The following SYTL3 variants were observed in gnomAD, a reference collection of about 807,000 sequenced individuals.
SYTL3 encodes synaptotagmin like 3.
In SYTL3, 88 loss-of-function variants were observed where a neutral mutation model predicts 82.1. That is an observed-to-expected ratio of 1.07 (90% CI 0.90 to 1.28). The LOEUF (loss-of-function observed/expected upper bound fraction) is 1.28. SYTL3 is among the 50% of genes most tolerant of loss of function. SYTL3 has a pLI of 0.00. For synonymous variants in SYTL3, 311 were observed against 289.4 expected, an observed-to-expected ratio of 1.07 and a Z score of -0.76; for missense variants, 831 against 757.6, an observed-to-expected ratio of 1.10 and a Z score of -1.14.
At chr6:158,750,407 TA>T (rs1259475923) in intron 12 of SYTL3, among the ~76,000 whole-genome samples, 1 of 152,314 alleles carries the variant, frequency 6.6e-6, no homozygotes, top group East Asian at 1.9e-4. Context: ...CGTATAGGTA[TA>T]TTTTATATAT....
intron 2 of SYTL3, among the ~76,000 whole-genome samples, chr6:158,660,214 G>C (rs1422459676): frequency 6.6e-6 from 1 of 152,058 alleles, no homozygotes; most frequent in Non-Finnish European, 1.5e-5. Context: ...GCAGTGAGCC[G>C]AGATCGCACC....
At position 158,757,115 on chromosome 6, in the gene SYTL3, G is replaced by A. The variant is rs7766206; in HGVS notation, c.1138-96G>A. On this transcript the variant is annotated intron_variant, in intron 13 of 17. Transcript: ENST00000611299. ...GGGAGGGAGGCCTGCGCCAGGCCCC[G>A]GGAAGTGGGGCCCTGGAAGGTGGGG... The A allele has an allele frequency of 4.3e-4, 482 of 1,114,750 alleles. 1 individual carries two copies. The African/African-American group carries it at 5.2e-3, about 12-fold the overall frequency. 69.1% of individuals were successfully genotyped at this position (1,114,750 alleles called of 1,614,324 possible).
At chr6:158,666,734 C>T (rs892195198) in intron 5 of SYTL3, among the ~76,000 whole-genome samples, 10 of 152,304 alleles carry the variant, frequency 6.6e-5, no homozygotes, top group South Asian at 2.1e-4. Context: ...CCCCTAAATC[C>T]GGAGGGCTGT....
In SYTL3 at chr6:158,762,185, A is replaced by T. The variant is rs200476758; in HGVS notation, c.1517+7A>T. On this transcript the variant is annotated splice_region_variant and intron_variant, in intron 16 of 17. Coordinates refer to ENST00000611299, the MANE Select transcript of SYTL3 (RefSeq NM_001242394.2). ...TGAACTCATTTGTTAAGGGGTAGGT[A>T]TTCGATGTAATCAAATATTTATTGG... The T allele has an allele frequency of 2.2e-5, 35 of 1,592,536 alleles. No individual in the cohort carries two copies. Among genetic ancestry groups the T allele is most frequent in the Non-Finnish European group, 3.0e-5 (35 of 1,161,052 alleles).
intron 11 of SYTL3, among the ~76,000 whole-genome samples, chr6:158,735,333 CATGG>C (rs1349989650): frequency 2.6e-5 from 4 of 152,144 alleles, no homozygotes; most frequent in African/African-American, 9.7e-5. Flanking sequence ...CACATACACA[CATGG>C]ATGATGTTAA....
chr6:158,747,662 A>G (rs1287853384), intron 12 of SYTL3, among the ~76,000 whole-genome samples: 1 of 151,790 alleles, frequency 6.6e-6, no homozygotes, highest in Non-Finnish European at 1.5e-5. Context: ...TTTTTAACTT[A>G]TTTTTGTAGA....
intron 9 of SYTL3, among the ~76,000 whole-genome samples, chr6:158,717,500 C>G (rs1358193184): frequency 1.3e-5 from 2 of 152,114 alleles, no homozygotes; most frequent in African/African-American, 4.8e-5. Context: ...GGTTCTCTCA[C>G]TTCTGTATGT....
intron 6 of SYTL3, among the ~76,000 whole-genome samples, chr6:158,688,052 T>G (rs1219469635): frequency 6.6e-6 from 1 of 152,222 alleles, no homozygotes; most frequent in Non-Finnish European, 1.5e-5. Flanking sequence ...TGGTTTTATT[T>G]TGCTTTTACA....
chr6:158,649,385 CAAGGGAAAGAG>C (rs1216804660), upstream of SYTL3, among the ~76,000 whole-genome samples: 2 of 152,228 alleles, frequency 1.3e-5, no homozygotes, highest in South Asian at 2.1e-4. Flanking sequence ...CTGGAGTCAT[CAAGGGAAAGAG>C]AAGGGAAAGA....
intron 14 of SYTL3, among the ~76,000 whole-genome samples, chr6:158,757,941 T>TG (rs1789360675): frequency 6.6e-6 from 1 of 151,864 alleles, no homozygotes; most frequent in East Asian, 1.9e-4. Context: ...GCACGTGGGC[T>TG]GGGGGTGGGT....
chr6:158,760,047 G>A (rs989594984), intron 14 of SYTL3, among the ~76,000 whole-genome samples: 10 of 152,130 alleles, frequency 6.6e-5, no homozygotes, highest in African/African-American at 2.4e-4. Context: ...CTGGGAGAAG[G>A]ATGGTGTGGA....
intron 10 of SYTL3, among the ~76,000 whole-genome samples, chr6:158,720,847 C>T (rs538155627): frequency 2.0e-5 from 3 of 152,300 alleles, no homozygotes; most frequent in East Asian, 3.9e-4. Flanking sequence ...ACCCTGTCCA[C>T]GCCCCAGAGG....
intron 13 of SYTL3, among the ~76,000 whole-genome samples, chr6:158,756,120 C>T (rs960348443): frequency 2.6e-5 from 4 of 152,216 alleles, no homozygotes; most frequent in Non-Finnish European, 4.4e-5. Context: ...TAAAGTGAGG[C>T]CCTCAGAGGC....
intron 1 of SYTL3, among the ~76,000 whole-genome samples, chr6:158,650,669 G>T (rs1406095724): frequency 6.6e-6 from 1 of 152,038 alleles, no homozygotes. Flanking sequence ...TGGGCTGGGT[G>T]CGGTGGCTCA....
At chr6:158,703,153 TA>T (rs71297001) in intron 6 of SYTL3, among the ~76,000 whole-genome samples, 4,222 of 94,828 alleles carry the variant, frequency 0.045, 72 homozygotes, top group Middle Eastern at 0.069. Flanking sequence ...GACTCTGTCT[TA>T]AAAAAAAAAA....
chr6:158,693,204 A>T (rs1780109306), intron 6 of SYTL3, among the ~76,000 whole-genome samples: 6 of 152,212 alleles, frequency 3.9e-5, no homozygotes, highest in Admixed American at 3.9e-4. Context: ...AAAATTTTAA[A>T]AATTTTACAT....
At chr6:158,735,558 G>T (rs1386378172) in intron 11 of SYTL3, among the ~76,000 whole-genome samples, 2 of 152,112 alleles carry the variant, frequency 1.3e-5, no homozygotes, top group Non-Finnish European at 2.9e-5. Flanking sequence ...ACTGATTATT[G>T]CTTCTTGCTA....
At chr6:158,763,176 C>A in intron 16 of SYTL3, 128 bp from the exon 17 acceptor site, 1 of 848,536 alleles carries the variant, frequency 1.2e-6, no homozygotes, top group Non-Finnish European at 1.9e-6. Context: ...CCCTGCTTCA[C>A]TGGGGAGGGT....
At chr6:158,698,565 C>T (rs1780814554) in intron 6 of SYTL3, among the ~76,000 whole-genome samples, 1 of 152,168 alleles carries the variant, frequency 6.6e-6, no homozygotes, top group African/African-American at 2.4e-5. Context: ...CCAACACCCA[C>T]TCTAACCCCT....
Sources: gnomAD v4.1 joint callset for allele counts (sites outside exome capture counted in the v4.1 genomes callset) on GRCh38, gnomAD v4.1.1 for gene constraint, MANE v1.5 for transcripts, NCBI Gene and HGNC (gene_info 2026-07-23, HGNC 2026-07-21) for gene names.